Variants in SMC6 observed in about 807,000 individuals in gnomAD.
SMC6 encodes structural maintenance of chromosomes protein 6.
Under a neutral mutation model 142.2 loss-of-function variants are expected in SMC6, and 79 were observed. The ratio of observed to expected loss-of-function variants is 0.56; its 90% CI spans 0.46 to 0.67. The LOEUF (loss-of-function observed/expected upper bound fraction) is 0.67, where lower values mean the gene tolerates loss of function less well. Among genes scored for constraint, SMC6 ranks in the 30% least tolerant of loss-of-function variants. The probability of loss-of-function intolerance (pLI) is 0.00; values close to 1 mark genes in which losing one functional copy is unlikely to be tolerated. For missense variants in SMC6, 1,072 were observed against 1,284.0 expected, an observed-to-expected ratio of 0.83 and a Z score of 2.52; for synonymous variants, 411 against 412.4, an observed-to-expected ratio of 1.00 and a Z score of 0.04.
chr2:17,690,216 T>A (rs1296458226), intron 23 of SMC6, among the ~76,000 whole-genome samples: 1 of 152,206 alleles, frequency 6.6e-6, no homozygotes, highest in Non-Finnish European at 1.5e-5. Flanking sequence ...TTTGCTCAGG[T>A]TACTAAATTC....
At chr2:17,712,501 G>C (rs994261382) in intron 16 of SMC6, among the ~76,000 whole-genome samples, 1 of 152,136 alleles carries the variant, frequency 6.6e-6, no homozygotes, top group Non-Finnish European at 1.5e-5. Context: ...TAGTTTAGTA[G>C]CTTCTATGTC....
chr2:17,707,997 TACACACACACACAC>T (rs10540609), intron 17 of SMC6, among the ~76,000 whole-genome samples: 3 of 148,504 alleles, frequency 2.0e-5, no homozygotes, highest in African/African-American at 4.9e-5. Flanking sequence ...TGTATATATA[TACACACACACACAC>T]ACACACACAC....
chr2:17,704,028 C>T (rs1219425206), intron 18 of SMC6, among the ~76,000 whole-genome samples: 1 of 151,422 alleles, frequency 6.6e-6, no homozygotes, highest in African/African-American at 2.4e-5. Flanking sequence ...GTCAAATATA[C>T]TTATGACTTA....
chr2:17,725,505 A>C, intron 8 of SMC6, 147 bp from the exon 9 acceptor site: 1 of 555,798 alleles, frequency 1.8e-6, no homozygotes, highest in Non-Finnish European at 3.1e-6. Context: ...ACACAAACAC[A>C]AAAGAATACA....
chr2:17,726,511 T>C (rs1435242091), intron 7 of SMC6, 42 bp from the exon 8 acceptor site: 2 of 1,528,900 alleles, frequency 1.3e-6, no homozygotes, highest in South Asian at 2.3e-5. Flanking sequence ...TTTACTTTAA[T>C]GCTTTAAAGA....
chr2:17,690,464 C>T (rs1353676650), intron 23 of SMC6, among the ~76,000 whole-genome samples: 1 of 151,942 alleles, frequency 6.6e-6, no homozygotes, highest in Non-Finnish European at 1.5e-5. Flanking sequence ...CGTGGTGGTG[C>T]ACGCCTGTAA....
intron 23 of SMC6, among the ~76,000 whole-genome samples, chr2:17,693,796 G>A (rs991712481): frequency 1.8e-4 from 27 of 152,002 alleles, no homozygotes; most frequent in Non-Finnish European, 3.7e-4. Context: ...AGCAGTTCAA[G>A]ATCAGCCTGA....
intron 18 of SMC6, among the ~76,000 whole-genome samples, chr2:17,704,442 C>A (rs1668409627): frequency 6.6e-6 from 1 of 152,160 alleles, no homozygotes; most frequent in African/African-American, 2.4e-5. Context: ...AAATGAGTCT[C>A]CATACAGCAG....
At chr2:17,707,404 T>C (rs780811518) in intron 17 of SMC6, 25 bp from the exon 18 acceptor site, 3 of 1,397,734 alleles carry the variant, frequency 2.1e-6, no homozygotes, top group Admixed American at 2.8e-5. Flanking sequence ...GAAAATAAAT[T>C]TTTTAAGACG....
In SMC6 at chr2:17,741,155, G is replaced by T. The variant is rs541475936; in HGVS notation, c.238+457C>A. 1.3e-3 allele frequency among the ~76,000 whole-genome samples: 200 copies of T among 152,282 alleles called. 2 individuals are homozygous for T. Among genetic ancestry groups the T allele is most frequent in the Middle Eastern group, 6.8e-3 (2 of 294 alleles). On this transcript the variant is annotated intron_variant, in intron 4 of 27. Transcript: ENST00000448223. ...CATCTCAGCTTCTTCTTGCCAATAA[G>T]ACCTAAATAATCGATAATTTTCATT...
chr2:17,704,166 A>G (rs1001565768), intron 18 of SMC6, among the ~76,000 whole-genome samples: 2 of 152,160 alleles, frequency 1.3e-5, no homozygotes, highest in African/African-American at 4.8e-5. Flanking sequence ...TTATATATCC[A>G]TAGTACTACA....
chr2:17,738,157 G>A, intron 5 of SMC6, 64 bp downstream of exon 5: 1 of 1,192,204 alleles, frequency 8.4e-7, no homozygotes, highest in Non-Finnish European at 1.2e-6. Flanking sequence ...TGTGAACTGG[G>A]AATCTAAAGT....
chr2:17,692,812 A>G (rs1209598115), intron 23 of SMC6, among the ~76,000 whole-genome samples: 1 of 152,250 alleles, frequency 6.6e-6, no homozygotes, highest in African/African-American at 2.4e-5. Context: ...CTCATCTGAC[A>G]AAGGGCTAAT....
intron 2 of SMC6, among the ~76,000 whole-genome samples, chr2:17,751,639 A>G (rs945610544): frequency 6.6e-6 from 1 of 152,238 alleles, no homozygotes; most frequent in Admixed American, 6.5e-5. Context: ...TTTGGTGACC[A>G]AGAAAAGCAT....
At chr2:17,695,604 T>C (rs1667951101) in intron 22 of SMC6, among the ~76,000 whole-genome samples, 1 of 152,146 alleles carries the variant, frequency 6.6e-6, no homozygotes, top group Non-Finnish European at 1.5e-5. Flanking sequence ...GGCATCGAGG[T>C]GAGATGTAGG....
At chr2:17,744,113 C>T (rs1670614590) in intron 3 of SMC6, among the ~76,000 whole-genome samples, 1 of 152,148 alleles carries the variant, frequency 6.6e-6, no homozygotes, top group Non-Finnish European at 1.5e-5. Flanking sequence ...AACTGCTGGA[C>T]TGTATGGTAA....
intron 5 of SMC6, among the ~76,000 whole-genome samples, chr2:17,732,507 T>C (rs978690789): frequency 1.3e-5 from 2 of 152,098 alleles, no homozygotes; most frequent in African/African-American, 4.8e-5. Context: ...GACACCAGCC[T>C]GGCCAACACG....
chr2:17,686,988 A>G (rs1667484540), intron 23 of SMC6, among the ~76,000 whole-genome samples: 2 of 152,180 alleles, frequency 1.3e-5, no homozygotes, highest in African/African-American at 2.4e-5. Flanking sequence ...TTGTGTTTAG[A>G]TTTGGGTCCT....
At chr2:17,686,863 C>G (rs1667479052) in intron 23 of SMC6, among the ~76,000 whole-genome samples, 1 of 152,168 alleles carries the variant, frequency 6.6e-6, no homozygotes, top group South Asian at 2.1e-4. Flanking sequence ...AACGTCTTCA[C>G]TTTCTGATGA....
Sources: allele counts gnomAD v4.1 joint callset (sites outside exome capture counted in the v4.1 genomes callset), GRCh38; gene constraint gnomAD v4.1.1; transcripts MANE v1.5; gene names NCBI Gene and HGNC (gene_info 2026-07-23, HGNC 2026-07-21).